MAGI1: variants seen among roughly 807,000 people sequenced by gnomAD.
The protein encoded by MAGI1 is membrane associated guanylate kinase, WW and PDZ domain containing 1, also known as membrane-associated guanylate kinase, WW and PDZ domain-containing protein 1.
Under a neutral mutation model 139.9 loss-of-function variants are expected in MAGI1, and 58 were observed. That is an observed-to-expected ratio of 0.41 (90% CI 0.34 to 0.52). The LOEUF is 0.52. MAGI1 is among the 20% of genes least tolerant of loss of function. The pLI, the probability that MAGI1 is intolerant of heterozygous loss-of-function variation, is 0.12. For synonymous variants in MAGI1, 812 were observed against 737.9 expected (o/e 1.10, Z -1.63); for missense variants, 1,874 against 1,901.6 (o/e 0.99, Z 0.27).
intron 1 of MAGI1, among the ~76,000 whole-genome samples, chr3:65,654,199 T>C (rs781379261): frequency 6.6e-6 from 1 of 152,202 alleles, no homozygotes; most frequent in Non-Finnish European, 1.5e-5. Context: ...AAAAGATTTA[T>C]CACCTGCCCT....
intron 1 of MAGI1, among the ~76,000 whole-genome samples, chr3:65,981,697 G>A (rs1242858094): frequency 1.3e-5 from 2 of 152,104 alleles, no homozygotes; most frequent in Admixed American, 6.5e-5. Flanking sequence ...ATATTGCTCT[G>A]GTGGTAGTGA....
chr3:65,511,930 A>G (rs1407429277), intron 2 of MAGI1, among the ~76,000 whole-genome samples: 1 of 127,252 alleles, frequency 7.9e-6, no homozygotes, highest in African/African-American at 3.0e-5. Context: ...GCAAATGTAA[A>G]AGAACAGAAA....
intron 1 of MAGI1, among the ~76,000 whole-genome samples, chr3:65,985,869 A>G (rs1249876084): frequency 6.6e-6 from 1 of 152,222 alleles, no homozygotes; most frequent in Non-Finnish European, 1.5e-5. Flanking sequence ...GAAATAGAAA[A>G]TGGCAATTTT....
rs539207678 is a variant in MAGI1, at chr3:65,959,225, G to A, written c.313+78771C>T. Among the ~76,000 whole-genome samples, 4 of 152,232 alleles carry A rather than the reference G, an allele frequency of 2.6e-5. No homozygotes were observed. In the East Asian group the frequency reaches 5.8e-4, roughly 22 times the overall value. ...ATCTCAGGCTCACCTCAAGCTTACT[G>A]CATTCAAACGTTCTCTGATTTCTCC... is the stretch of plus-strand genomic sequence containing the variant. On this transcript the variant is annotated intron_variant, in intron 1 of 22. Transcript: ENST00000402939.
chr3:65,737,752 A>T (rs2034898350), intron 1 of MAGI1, among the ~76,000 whole-genome samples: 2 of 152,202 alleles, frequency 1.3e-5, no homozygotes. Flanking sequence ...TTAAATGAGG[A>T]AGTGAGATCA....
At chr3:65,853,315 T>A (rs2059269820) in intron 1 of MAGI1, among the ~76,000 whole-genome samples, 1 of 152,236 alleles carries the variant, frequency 6.6e-6, no homozygotes, top group Non-Finnish European at 1.5e-5. Flanking sequence ...ACTGAAACCA[T>A]AAACATCACC....
chr3:65,585,681 A>G (rs1264800047), intron 2 of MAGI1, among the ~76,000 whole-genome samples: 1 of 152,088 alleles, frequency 6.6e-6, no homozygotes, highest in Non-Finnish European at 1.5e-5. Flanking sequence ...TACCTAGCAA[A>G]ATGAAAACCA....
chr3:65,628,656 A>T (rs902053601), intron 1 of MAGI1, among the ~76,000 whole-genome samples: 4 of 152,174 alleles, frequency 2.6e-5, no homozygotes, highest in Non-Finnish European at 5.9e-5. Context: ...CTTACCAGTT[A>T]TCAGAATAGA....
intron 6 of MAGI1, 34 bp downstream of exon 6, chr3:65,453,224 A>G (rs769050086): frequency 3.3e-5 from 53 of 1,595,360 alleles, no homozygotes; most frequent in Non-Finnish European, 4.2e-5. Context: ...AGTGCCCCCA[A>G]TTCACTTAAC....
chr3:65,919,388 C>T (rs898460291), intron 1 of MAGI1, among the ~76,000 whole-genome samples: 6 of 151,664 alleles, frequency 4.0e-5, no homozygotes, highest in African/African-American at 1.5e-4. Flanking sequence ...CACAGGGAGA[C>T]CCCATCTCTA....
At chr3:65,470,683 A>G (rs1019466798) in intron 4 of MAGI1, among the ~76,000 whole-genome samples, 199 bp from the exon 5 acceptor site, 1 of 152,230 alleles carries the variant, frequency 6.6e-6, no homozygotes, top group African/African-American at 2.4e-5. Context: ...GAAAGCATCG[A>G]AATGATCAAT....
intron 1 of MAGI1, among the ~76,000 whole-genome samples, chr3:65,732,069 C>T (rs374420725): frequency 2.6e-5 from 4 of 152,106 alleles, no homozygotes; most frequent in African/African-American, 7.2e-5. Context: ...AAAACATTCA[C>T]GTATCAATTT....
At chr3:65,854,235 G>T (rs1559945450) in intron 1 of MAGI1, among the ~76,000 whole-genome samples, 2 of 150,536 alleles carry the variant, frequency 1.3e-5, no homozygotes, top group South Asian at 2.1e-4. Flanking sequence ...ATCCCTTGAG[G>T]CCAGGCGTTT....
intron 1 of MAGI1, 151 bp downstream of exon 1, chr3:66,037,845 C>G: frequency 7.3e-7 from 1 of 1,375,828 alleles, no homozygotes; most frequent in Non-Finnish European, 9.8e-7. Context: ...CTCGCAACAA[C>G]TTTGTGTATT....
chr3:66,017,563 G>A (rs2067720691), intron 1 of MAGI1, among the ~76,000 whole-genome samples: 1 of 152,196 alleles, frequency 6.6e-6, no homozygotes, highest in African/African-American at 2.4e-5. Context: ...CACCTAATCT[G>A]CTGTCACCTA....
chr3:65,773,841 T>G (rs1171122702), intron 1 of MAGI1, among the ~76,000 whole-genome samples: 3 of 152,194 alleles, frequency 2.0e-5, no homozygotes, highest in African/African-American at 7.2e-5. Context: ...ACTTTTTTAA[T>G]TCGATATAAA....
At chr3:65,604,310 G>A (rs1038046298) in intron 2 of MAGI1, among the ~76,000 whole-genome samples, 4 of 152,064 alleles carry the variant, frequency 2.6e-5, no homozygotes, top group African/African-American at 7.2e-5. Context: ...GGATTCTACA[G>A]CAAAGTTGTG....
intron 1 of MAGI1, among the ~76,000 whole-genome samples, chr3:65,855,258 G>A (rs972228486): frequency 6.6e-6 from 1 of 151,590 alleles, no homozygotes; most frequent in Non-Finnish European, 1.5e-5. Context: ...TTTGAGATCC[G>A]CAGAAAGAGA....
Position 65,837,892 on chromosome 3 carries a change from T to A in MAGI1, c.313+200104A>T, listed in dbSNP as rs74909433. Reference sequence around the variant, plus strand: ...ACTCAGTTTGACCAACCCATGAAGGTCTTATTTTTAAACTTTTTATTTTGA... The same window carrying A: ...ACTCAGTTTGACCAACCCATGAAGGACTTATTTTTAAACTTTTTATTTTGA... On this transcript the variant is annotated intron_variant, in intron 1 of 22. Transcript: ENST00000402939. Among the ~76,000 whole-genome samples the A allele has an allele frequency of 4.5e-3, 688 of 152,188 alleles. 5 individuals carry two copies. The highest frequency in any genetic ancestry group is 0.016 in the African/African-American group (668 of 41,532).
Sources: allele counts gnomAD v4.1 joint callset (sites outside exome capture counted in the v4.1 genomes callset), GRCh38; gene constraint gnomAD v4.1.1; transcripts MANE v1.5; gene names NCBI Gene and HGNC (gene_info 2026-07-23, HGNC 2026-07-21).